Variants in NDEL1 observed in about 807,000 individuals in gnomAD.
NDEL1 encodes nudE neurodevelopment protein 1 like 1.
In NDEL1, 9 loss-of-function variants were observed where a neutral mutation model predicts 45.7. The observed-to-expected ratio is 0.20, with a 90% CI of 0.12 to 0.34. NDEL1 has a LOEUF of 0.34. NDEL1 is among the 10% of genes least tolerant of loss of function. NDEL1 has a pLI of 1.00. For synonymous variants in NDEL1, 133 were observed against 158.6 expected (o/e 0.84, Z 1.21); for missense variants, 306 against 406.2 (o/e 0.75, Z 2.12).
chr17:8,459,989 T>A lies in NDEL1; in HGVS notation c.793-20T>A. 6.2e-7 allele frequency: 1 copy of A among 1,602,496 alleles called. No homozygotes were observed. The highest frequency in any genetic ancestry group is 1.7e-4 in the Middle Eastern group (1 of 5,996). ...AGCTACTGTTTTGACAACCATATCATTCCTCCTTCTTTTTTGTAGGCTTTA... is the reference window on the plus strand; with the variant it reads ...AGCTACTGTTTTGACAACCATATCAATCCTCCTTCTTTTTTGTAGGCTTTA... On this transcript the variant is annotated intron_variant, in intron 7 of 8. Transcript: ENST00000334527.
exon 1 of NDEL1, chr17:8,413,211 G>C (rs1908463890): frequency 6.6e-6 from 1 of 152,422 alleles, no homozygotes; most frequent in South Asian, 2.1e-4. Flanking sequence ...AGCAAGTTCA[G>C]CGTGGGCCCC....
chr17:8,424,033 G>A (rs771827627), intron 1 of NDEL1, among the ~76,000 whole-genome samples: 7 of 152,092 alleles, frequency 4.6e-5, no homozygotes. Context: ...AAAATTACAC[G>A]TTTAAGACAT....
Position 8,467,133 on chromosome 17 carries a change from A to C in NDEL1, c.*110A>C, listed in dbSNP as rs933910563. 9.2e-7 allele frequency: 1 copy of C among 1,089,582 alleles called. No individual in the cohort carries two copies. The highest frequency in any genetic ancestry group is 2.4e-5 in the East Asian group (1 of 41,826). The allele number at this position is 1,089,582 out of a possible 1,614,324, so 67.5% of individuals were successfully genotyped here. ...CCCGTGCCCCTCCGTCTGCCTCCGCACGGCTGGCAGAGGGCAGGCTGCATG... is the reference window on the plus strand; with the variant it reads ...CCCGTGCCCCTCCGTCTGCCTCCGCCCGGCTGGCAGAGGGCAGGCTGCATG... On this transcript the variant is annotated 3_prime_UTR_variant, in exon 9 of 9. Transcript: ENST00000334527. The surrounding 1 kb of genome is among the most constrained non-coding windows in gnomAD (Gnocchi z 6.3).
In NDEL1 at chr17:8,460,027, G is replaced by A; in HGVS notation, c.811G>A (p.Ala271Thr). ...TTTGTAGGCTTTAGAATCCAAATTA[G>A]CAGCTTGCAGGAATTTTGCAAAGGA... Reference protein sequence around the residue: ...RKVGALESKLAACRNFAKDQA... With the variant: ...RKVGALESKLTACRNFAKDQA... The change falls in exon 8 of 9, where the codon GCA becomes ACA. Residue 271 changes from alanine (A) to threonine (T), a missense_variant. Coordinates refer to ENST00000334527, the MANE Select transcript of NDEL1 (RefSeq NM_030808.5). 6.2e-7 allele frequency: 1 copy of A among 1,613,336 alleles called. No individual in the cohort carries two copies. Among genetic ancestry groups the A allele is most frequent in the Non-Finnish European group, 8.5e-7 (1 of 1,179,718 alleles).
At chr17:8,454,084 A>G (rs1910684187) in intron 6 of NDEL1, among the ~76,000 whole-genome samples, 1 of 152,140 alleles carries the variant, frequency 6.6e-6, no homozygotes, top group Admixed American at 6.5e-5. Context: ...ATCTAAATGT[A>G]AAAAAATCAG....
chr17:8,438,939 CT>C (rs374840633), intron 1 of NDEL1, among the ~76,000 whole-genome samples: 55,820 of 135,650 alleles, frequency 0.41, 10,675 homozygotes, highest in South Asian at 0.48. Flanking sequence ...TTGCTTTGTT[CT>C]TTTTTTTTTT....
intron 4 of NDEL1, 24 bp from the exon 5 acceptor site, chr17:8,448,526 A>G (rs370789658): frequency 1.2e-6 from 2 of 1,605,186 alleles, no homozygotes; most frequent in African/African-American, 2.7e-5. Context: ...TATTTAATTC[A>G]TGTACTCTAA....
At chr17:8,447,454 T>C (rs974767547) in intron 4 of NDEL1, among the ~76,000 whole-genome samples, 1 of 152,168 alleles carries the variant, frequency 6.6e-6, no homozygotes, top group Non-Finnish European at 1.5e-5. Flanking sequence ...AGGTTTTGTG[T>C]ATTTATTTAT....
At chr17:8,420,142 C>A (rs1908666922) in intron 1 of NDEL1, among the ~76,000 whole-genome samples, 1 of 152,156 alleles carries the variant, frequency 6.6e-6, no homozygotes, top group Non-Finnish European at 1.5e-5. Flanking sequence ...TGAATGCTGA[C>A]CTTGTCATAC....
intron 1 of NDEL1, among the ~76,000 whole-genome samples, chr17:8,413,704 CTT>C (rs1908478554): frequency 1.3e-5 from 2 of 152,194 alleles, no homozygotes; most frequent in Non-Finnish European, 1.5e-5. Flanking sequence ...GGGACCTTGA[CTT>C]CACTGCTCAT....
intron 6 of NDEL1, among the ~76,000 whole-genome samples, chr17:8,452,299 T>C (rs1293550237): frequency 6.6e-6 from 1 of 152,224 alleles, no homozygotes; most frequent in Non-Finnish European, 1.5e-5. Context: ...CGAATCAGAA[T>C]AGTGAAAAGC....
intron 8 of NDEL1, chr17:8,463,370 T>G: frequency 6.2e-7 from 1 of 1,612,080 alleles, no homozygotes. Context: ...TGAATTTGTT[T>G]GCTGTGCTCT....
At chr17:8,437,114 G>A (rs1909402174) in intron 1 of NDEL1, among the ~76,000 whole-genome samples, 2 of 152,220 alleles carry the variant, frequency 1.3e-5, no homozygotes, top group Admixed American at 1.3e-4. Context: ...GCTTGTTCAG[G>A]AGTTGCTGGT....
At chr17:8,461,511 C>G (rs985443549) in intron 8 of NDEL1, 1 of 152,230 alleles carries the variant, frequency 6.6e-6, no homozygotes, top group Non-Finnish European at 1.5e-5. Flanking sequence ...CCTCAGCCTC[C>G]CAAAGTGCTG....
At chr17:8,450,707 T>C (rs1274276057) in intron 5 of NDEL1, 73 bp from the exon 6 acceptor site, 2 of 1,323,484 alleles carry the variant, frequency 1.5e-6, no homozygotes, top group African/African-American at 3.1e-5. Context: ...TTATGACATT[T>C]TAGATGTCAC....
chr17:8,419,091 C>T (rs1908641955), intron 1 of NDEL1, among the ~76,000 whole-genome samples: 1 of 152,062 alleles, frequency 6.6e-6, no homozygotes, highest in South Asian at 2.1e-4. Flanking sequence ...CTCAAACAAT[C>T]CTCCTGCCTG....
chr17:8,470,131 G>A, downstream of NDEL1, among the ~76,000 whole-genome samples: 1 of 152,008 alleles, frequency 6.6e-6, no homozygotes, highest in East Asian at 1.9e-4. This position sits in a 1 kb window ranked among gnomAD's most constrained non-coding sequence, Gnocchi z 4.2. Flanking sequence ...ATGCTACTTT[G>A]GACATGGTCA....
At chr17:8,428,362 A>ATTT (rs1176480046) in intron 1 of NDEL1, among the ~76,000 whole-genome samples, 27 of 81,560 alleles carry the variant, frequency 3.3e-4, no homozygotes, top group African/African-American at 1.4e-3. Context: ...GTGTGTGTGT[A>ATTT]TTTTTTTTTT....
At chr17:8,437,670 A>G (rs1421745042) in intron 1 of NDEL1, among the ~76,000 whole-genome samples, 6 of 152,256 alleles carry the variant, frequency 3.9e-5, no homozygotes, top group Non-Finnish European at 8.8e-5. Flanking sequence ...TATATTGCCA[A>G]CAGTGAGTTC....
Sources: allele counts gnomAD v4.1 joint callset (sites outside exome capture counted in the v4.1 genomes callset), GRCh38; gene constraint gnomAD v4.1.1; non-coding constraint Gnocchi (gnomAD v3.1); transcripts MANE v1.5; gene names NCBI Gene and HGNC (gene_info 2026-07-23, HGNC 2026-07-21).